COG4: variants seen among roughly 807,000 people sequenced by gnomAD.
The protein encoded by COG4 is component of oligomeric golgi complex 4.
COG4 carries 65 observed loss-of-function variants against 95.1 expected under a neutral mutation model. That is an observed-to-expected ratio of 0.68 (90% CI 0.56 to 0.84). The LOEUF is 0.84. Among genes scored for constraint, COG4 ranks in the 40% least tolerant of loss-of-function variants. COG4 has a pLI of 0.00. For synonymous variants in COG4, 421 were observed against 374.8 expected (o/e 1.12, Z -1.42); for missense variants, 1,045 against 989.1 (o/e 1.06, Z -0.76).
chr16:70,498,002 T>C lies in COG4; in HGVS notation c.1249A>G (p.Met417Val), dbSNP rs1425663017. The C allele has an allele frequency of 1.2e-6, 2 of 1,613,794 alleles. No homozygotes were observed. Among genetic ancestry groups the C allele is most frequent in the Middle Eastern group, 1.6e-4 (1 of 6,084 alleles). ...LLNNCLLSCT[M>V]QELIGLYVTM... ...ACATATAAGCCAATTAGCTCCTGCATGGTACAGCTCAAAAGGCAGTTATTG... is the reference window on the plus strand; with the variant it reads ...ACATATAAGCCAATTAGCTCCTGCACGGTACAGCTCAAAAGGCAGTTATTG... The change falls in exon 10 of 19, where the codon ATG (methionine) becomes GTG (valine). Residue 417 changes from methionine (M) to valine (V), a missense_variant. Physicochemically the swap from Met to Val is conservative, Grantham distance 21. Transcript: ENST00000323786.
chr16:70,509,096 G>C, intron 7 of COG4, 135 bp downstream of exon 7: 1 of 1,086,412 alleles, frequency 9.2e-7, no homozygotes, highest in Non-Finnish European at 1.4e-6. Context: ...CAAGATGCAG[G>C]CCAGTGTGCG....
intron 14 of COG4, among the ~76,000 whole-genome samples, chr16:70,483,022 C>G (rs1196854903): frequency 9.7e-6 from 1 of 102,830 alleles, no homozygotes; most frequent in African/African-American, 3.8e-5. Context: ...CTTCCCTCTC[C>G]TCTCCCCACC....
rs1465703385 is a variant in COG4, at chr16:70,501,082, G to A, written c.1071C>T (p.Asp357=). 1 of 1,613,428 alleles carries A rather than the reference G, an allele frequency of 6.2e-7. No individual in the cohort carries two copies. The highest frequency in any genetic ancestry group is 8.5e-7 in the Non-Finnish European group (1 of 1,179,988). The part of the protein sequence containing the change: ...TTEKIEPREL[D]PILTEVTLMN... ...TCAGGGTGACCTCAGTCAGGATGGG[G>A]TCCAGTTCTCTGAGACACATGGAGC... The change falls in exon 9 of 19, where the codon GAC becomes GAT. Residue 357 remains aspartate (D), a synonymous_variant. Transcript: ENST00000323786.
At chr16:70,498,525 T>G (rs1358762151) in intron 9 of COG4, among the ~76,000 whole-genome samples, 1 of 152,016 alleles carries the variant, frequency 6.6e-6, no homozygotes, top group African/African-American at 2.4e-5. Context: ...ACAGGGTTTC[T>G]CCATGTTGAG....
intron 16 of COG4, 25 bp downstream of exon 16, chr16:70,482,067 G>A (rs777873061): frequency 3.8e-6 from 6 of 1,591,474 alleles, no homozygotes; most frequent in Non-Finnish European, 3.4e-6. Context: ...AATTCCCTAA[G>A]TGGATCCCTA....
intron 3 of COG4, among the ~76,000 whole-genome samples, chr16:70,514,758 G>A (rs2049788486): frequency 6.6e-6 from 1 of 152,042 alleles, no homozygotes; most frequent in South Asian, 2.1e-4. Flanking sequence ...CTGTTACCCA[G>A]GCTGGAGTGC....
At chr16:70,486,608 T>C (rs535556658) in intron 13 of COG4, among the ~76,000 whole-genome samples, 1 of 152,350 alleles carries the variant, frequency 6.6e-6, no homozygotes, top group African/African-American at 2.4e-5. Context: ...AGCTCACTTA[T>C]GAATTTCTAA....
chr16:70,494,133 C>G (rs1158816447), intron 12 of COG4, among the ~76,000 whole-genome samples: 1 of 152,106 alleles, frequency 6.6e-6, no homozygotes, highest in Non-Finnish European at 1.5e-5. Flanking sequence ...CTTTAATATG[C>G]CACAACATGA....
intron 12 of COG4, among the ~76,000 whole-genome samples, chr16:70,494,277 G>A (rs1464545141): frequency 1.3e-5 from 2 of 152,126 alleles, no homozygotes; most frequent in African/African-American, 2.4e-5. Context: ...GAGTTCAAAT[G>A]GTATTGATTT....
In COG4 at chr16:70,523,359, G is replaced by C. The variant is rs775954731; in HGVS notation, c.171+14C>G. ...CTAGATCCTCCATGAAAAAGAAGAG[G>C]CTCGACCCCGCACCTCCTCGCCGCA... On this transcript the variant is annotated intron_variant, in intron 1 of 18. Transcript: ENST00000323786. 4.3e-5 allele frequency: 70 copies of C among 1,613,808 alleles called. No homozygotes were observed. Among genetic ancestry groups the C allele is most frequent in the Non-Finnish European group, 5.6e-5 (66 of 1,179,880 alleles).
intron 12 of COG4, among the ~76,000 whole-genome samples, chr16:70,495,397 C>CAAAAAAAAAAA (rs11382671): frequency 9.0e-6 from 1 of 111,330 alleles, no homozygotes; most frequent in African/African-American, 3.5e-5. Context: ...GACTCCATCT[C>CAAAAAAAAAAA]AAAAAAAAAA....
At position 70,480,744 on chromosome 16, in the gene COG4, G is replaced by C. The variant is rs1052443901; in HGVS notation, c.*266C>G. On this transcript the variant is annotated 3_prime_UTR_variant, in exon 19 of 19. Transcript: ENST00000323786. Reference sequence around the variant, plus strand: ...ACCATCCATGCAGAAAGCTGGCCTGGGCTGCTCGCTGCCTGCCGTGGCTTT... The same window carrying C: ...ACCATCCATGCAGAAAGCTGGCCTGCGCTGCTCGCTGCCTGCCGTGGCTTT... 1.2e-5 allele frequency: 6 copies of C among 513,388 alleles called. No individual in the cohort carries two copies. The highest frequency in any genetic ancestry group is 2.1e-5 in the Non-Finnish European group (6 of 281,846). The allele number at this position is 513,388 out of a possible 1,614,324, so 31.8% of individuals were successfully genotyped here.
At chr16:70,491,835 A>G (rs934092125) in intron 12 of COG4, among the ~76,000 whole-genome samples, 1 of 151,444 alleles carries the variant, frequency 6.6e-6, no homozygotes, top group African/African-American at 2.4e-5. Flanking sequence ...AAAAAAAAAA[A>G]AAAAAAAAAA....
chr16:70,509,755 C>A (rs1202999133), intron 6 of COG4, 161 bp downstream of exon 6: 4 of 677,964 alleles, frequency 5.9e-6, no homozygotes, highest in South Asian at 1.7e-5. Context: ...CTTTGCTAAT[C>A]AGGCACTGAA....
At position 70,489,280 on chromosome 16, in the gene COG4, G is replaced by A. The variant is rs1317478337; in HGVS notation, c.1710+1050C>T. Among the ~76,000 whole-genome samples, 6 of 149,100 alleles carry A rather than the reference G, an allele frequency of 4.0e-5. No individual in the cohort carries two copies. The East Asian group carries it at 6.0e-4, about 15-fold the overall frequency. ...GTCGCCCAGGCTGGAGTGCAGTGGC[G>A]TGATCTCGGCTCACTGCAACCTCTG... On this transcript the variant is annotated intron_variant, in intron 13 of 18. Coordinates refer to ENST00000323786, the MANE Select transcript of COG4 (RefSeq NM_015386.3).
intron 11 of COG4, 141 bp downstream of exon 11, chr16:70,497,080 G>C: frequency 1.2e-6 from 1 of 860,472 alleles, no homozygotes. Context: ...TGGAGCCAAG[G>C]ATACTATCTT....
rs974861785 is a variant in COG4 at position 70,523,262 on chromosome 16, C to G, written c.171+111G>C. ...ACTAGCTTCCGCTTCTTTGTTTTCC[C>G]GCTTTTTTGTATCCCCCAGCAAGGA... On this transcript the variant is annotated intron_variant, in intron 1 of 18. Transcript: ENST00000323786. 1.2e-5 allele frequency: 16 copies of G among 1,362,944 alleles called. No homozygotes were observed. The Admixed American group carries it at 2.7e-4, about 23-fold the overall frequency. The allele number at this position is 1,362,944 out of a possible 1,614,324, so 84.4% of individuals were successfully genotyped here.
intron 2 of COG4, among the ~76,000 whole-genome samples, chr16:70,518,958 C>T (rs774807794): frequency 1.4e-5 from 2 of 139,132 alleles, no homozygotes; most frequent in Non-Finnish European, 3.1e-5. Flanking sequence ...GCCTGGGGGA[C>T]AAAAACGAAG....
In COG4 at chr16:70,481,339, GC is replaced by G. The variant is rs774241782; in HGVS notation, c.2235+19del. ...CTTTCAGTCACCCCTCCCTGGCTGG[GC>G]CAAGGGTGCCCCACCTACCCGCTCC... is the stretch of plus-strand genomic sequence containing the variant. On this transcript the variant is annotated intron_variant, in intron 18 of 18. Coordinates refer to ENST00000323786, the MANE Select transcript of COG4 (RefSeq NM_015386.3). 6.2e-7 allele frequency: 1 copy of G among 1,611,494 alleles called. No individual in the cohort carries two copies. Among genetic ancestry groups the G allele is most frequent in the Non-Finnish European group, 8.5e-7 (1 of 1,179,950 alleles).
Sources: gnomAD v4.1 joint callset for allele counts (sites outside exome capture counted in the v4.1 genomes callset) on GRCh38, gnomAD v4.1.1 for gene constraint, MANE v1.5 for transcripts, NCBI Gene and HGNC (gene_info 2026-07-23, HGNC 2026-07-21) for gene names.